Variants in XPOT observed in about 807,000 individuals in gnomAD.
XPOT encodes exportin for tRNA.
A neutral mutation model predicts 128.2 loss-of-function variants in XPOT; 34 were observed. The observed-to-expected ratio is 0.27, with a 90% CI of 0.20 to 0.35. XPOT has a LOEUF of 0.35. Ranked by LOEUF, XPOT falls within the 10% of genes least tolerant of loss-of-function variation. The probability of loss-of-function intolerance (pLI) is 1.00; values close to 1 mark genes in which losing one functional copy is unlikely to be tolerated. For missense variants in XPOT, 838 were observed against 1,125.3 expected, an observed-to-expected ratio of 0.74 and a Z score of 3.65; for synonymous variants, 348 against 394.3, an observed-to-expected ratio of 0.88 and a Z score of 1.39.
At position 64,434,577 on chromosome 12, in the gene XPOT, A is replaced by C; in HGVS notation, c.2523A>C (p.Ala841=). Reference sequence around the variant, plus strand: ...CAGTTGAATATCCAGATCCAATTGCACAGAAAACATGTTTTATCATCCTCT... The same window carrying C: ...CAGTTGAATATCCAGATCCAATTGCCCAGAAAACATGTTTTATCATCCTCT... ...QGAVEYPDPI[A]QKTCFIILSK... is the part of the protein sequence containing the mutation. Residue 841 remains alanine (A), a synonymous_variant, in exon 20 of 25, where the codon GCA becomes GCC. Transcript: ENST00000332707. 3 of 1,614,106 alleles carry C rather than the reference A, an allele frequency of 1.9e-6. No individual in the cohort carries two copies. Among genetic ancestry groups the C allele is most frequent in the East Asian group, 4.5e-5 (2 of 44,858 alleles).
chr12:64,424,384 C>T (rs1046654652), intron 11 of XPOT, among the ~76,000 whole-genome samples: 3 of 151,902 alleles, frequency 2.0e-5, no homozygotes, highest in African/African-American at 7.3e-5. Context: ...AATAAAAGTA[C>T]GAAATATGTA....
At chr12:64,414,230 C>T (rs1008596508) in intron 2 of XPOT, among the ~76,000 whole-genome samples, 3 of 152,160 alleles carry the variant, frequency 2.0e-5, no homozygotes, top group South Asian at 4.1e-4. Context: ...CTAGAGTACT[C>T]TTGCTCCTTG....
intron 16 of XPOT, among the ~76,000 whole-genome samples, chr12:64,429,091 T>C (rs2040216092): frequency 6.6e-6 from 1 of 152,236 alleles, no homozygotes; most frequent in South Asian, 2.1e-4. Flanking sequence ...AGAAATTTTA[T>C]GTTTCACAGA....
intron 3 of XPOT, among the ~76,000 whole-genome samples, chr12:64,416,442 A>AAGGTGC (rs2040088102): frequency 6.6e-6 from 1 of 152,204 alleles, no homozygotes; most frequent in African/African-American, 2.4e-5. Flanking sequence ...CATTGTATTC[A>AAGGTGC]AGGTGCATCT....
intron 1 of XPOT, chr12:64,409,546 T>C (rs113473409): frequency 0.043 from 6,632 of 153,642 alleles, 449 homozygotes; most frequent in African/African-American, 0.15. Context: ...CCATCCTGGC[T>C]AACACGGTGA....
intron 1 of XPOT, among the ~76,000 whole-genome samples, chr12:64,408,432 T>C (rs1251834379): frequency 6.6e-6 from 1 of 152,156 alleles, no homozygotes; most frequent in Non-Finnish European, 1.5e-5. Flanking sequence ...ATGGAAGTAG[T>C]AAGACTTGGT....
At chr12:64,410,330 A>T (rs1026029433) in intron 2 of XPOT, among the ~76,000 whole-genome samples, 91 of 152,354 alleles carry the variant, frequency 6.0e-4, no homozygotes, top group African/African-American at 2.0e-3. Context: ...GCAGATCTTT[A>T]TGCAACATCA....
At chr12:64,435,548 G>A (rs1565802781) in intron 21 of XPOT, 79 bp from the exon 22 acceptor site, 1 of 1,183,312 alleles carries the variant, frequency 8.5e-7, no homozygotes, top group Non-Finnish European at 1.2e-6. Context: ...CCCTGGCAGT[G>A]GCCAGGGTAG....
At chr12:64,444,818 A>T (rs886879937) in intron 23 of XPOT, among the ~76,000 whole-genome samples, 18 of 152,104 alleles carry the variant, frequency 1.2e-4, no homozygotes, top group Admixed American at 4.6e-4. Flanking sequence ...CAGCTTTTTT[A>T]AAAAAAGAGC....
intron 1 of XPOT, among the ~76,000 whole-genome samples, chr12:64,408,734 C>T (rs749613329): frequency 1.5e-4 from 23 of 151,846 alleles, no homozygotes; most frequent in African/African-American, 4.8e-4. Flanking sequence ...AGTGCAGTGG[C>T]GCAATCTTGG....
At position 64,429,829 on chromosome 12, in the gene XPOT, TTATAG is replaced by T. The variant is rs1246982728; in HGVS notation, c.1738-219_1738-215del. 2.0e-5 allele frequency among the ~76,000 whole-genome samples: 3 copies of T among 152,198 alleles called. No individual in the cohort carries two copies. In the East Asian group the frequency reaches 5.8e-4, roughly 29 times the overall value. The stretch of plus-strand genomic sequence containing the variant: ...TTTAATAATTATCTTACATGATCAT[TTATAG>T]AGTCTTGTCAGGGCTGGAATTAGAA... On this transcript the variant is annotated intron_variant, in intron 16 of 24. Coordinates refer to ENST00000332707, the MANE Select transcript of XPOT (RefSeq NM_007235.6).
chr12:64,426,880 G>A (rs943914241), intron 15 of XPOT, among the ~76,000 whole-genome samples: 1 of 151,956 alleles, frequency 6.6e-6, no homozygotes. Flanking sequence ...GCTAACAGAA[G>A]GCTGAGGCAG....
intron 2 of XPOT, among the ~76,000 whole-genome samples, chr12:64,414,180 A>T (rs933744266): frequency 1.3e-5 from 2 of 152,184 alleles, no homozygotes; most frequent in Non-Finnish European, 2.9e-5. Context: ...TTTTCCCAAC[A>T]GTTTGGTAGA....
At position 64,445,147 on chromosome 12, in the gene XPOT, G is replaced by A. The variant is rs746165417; in HGVS notation, c.2862+16G>A. Reference sequence around the variant, plus strand: ...TTACTTAAAGGTAGGTATTTGTGAAGCTCACGTATCTTCATACAATTAGGT... The same window carrying A: ...TTACTTAAAGGTAGGTATTTGTGAAACTCACGTATCTTCATACAATTAGGT... On this transcript the variant is annotated intron_variant, in intron 24 of 24. Transcript: ENST00000332707. The A allele has an allele frequency of 6.3e-7, 1 of 1,587,762 alleles. No homozygotes were observed. Among genetic ancestry groups the A allele is most frequent in the Admixed American group, 1.7e-5 (1 of 57,530 alleles).
At position 64,418,870 on chromosome 12, in the gene XPOT, T is replaced by G; in HGVS notation, c.271-6T>G. 1 of 1,612,848 alleles carries G rather than the reference T, an allele frequency of 6.2e-7. No individual in the cohort carries two copies. On this transcript the variant is annotated splice_region_variant and splice_polypyrimidine_tract_variant and intron_variant, in intron 5 of 24. Coordinates refer to ENST00000332707, the MANE Select transcript of XPOT (RefSeq NM_007235.6). The stretch of plus-strand genomic sequence containing the variant: ...TAATTTTATGGACTGTTTCTCTGTT[T>G]GTCAGATGCTGAATCCCCAACCAGA...
At chr12:64,447,936 T>C (rs1443917607) in intron 24 of XPOT, among the ~76,000 whole-genome samples, 169 bp from the exon 25 acceptor site, 3 of 152,184 alleles carry the variant, frequency 2.0e-5, no homozygotes, top group African/African-American at 7.2e-5. Context: ...TACCAAACTC[T>C]CCAGAACAGA....
intron 1 of XPOT, among the ~76,000 whole-genome samples, chr12:64,406,687 A>G (rs1344764053): frequency 6.6e-6 from 1 of 151,998 alleles, no homozygotes; most frequent in Non-Finnish European, 1.5e-5. Context: ...GCATTTTTTT[A>G]AAAAGCCATA....
At chr12:64,430,998 G>T (rs947732997) in intron 17 of XPOT, among the ~76,000 whole-genome samples, 2 of 152,004 alleles carry the variant, frequency 1.3e-5, no homozygotes, top group Admixed American at 1.3e-4. Flanking sequence ...AGGCTGGAGT[G>T]CAGTGTTGTG....
Position 64,409,996 on chromosome 12 carries a change from C to G in XPOT, c.-40C>G. On this transcript the variant is annotated 5_prime_UTR_variant, in exon 2 of 25. Coordinates refer to ENST00000332707, the MANE Select transcript of XPOT (RefSeq NM_007235.6). ...AATTCTTCTGTGGGATCAGAGGGCA[C>G]GCCTATTACAACCAGAAAACTACAA... is the stretch of plus-strand genomic sequence containing the variant. 1 of 1,565,584 alleles carries G rather than the reference C, an allele frequency of 6.4e-7. No homozygotes were observed. Among genetic ancestry groups the G allele is most frequent in the Non-Finnish European group, 8.8e-7 (1 of 1,137,640 alleles).
Sources: allele counts gnomAD v4.1 joint callset (sites outside exome capture counted in the v4.1 genomes callset), GRCh38; gene constraint gnomAD v4.1.1; transcripts MANE v1.5; gene names NCBI Gene and HGNC (gene_info 2026-07-23, HGNC 2026-07-21).